The following RGS6 variants were observed in gnomAD, a reference collection of about 807,000 sequenced individuals.
RGS6 encodes regulator of G-protein signaling 6.
A neutral mutation model predicts 78.5 loss-of-function variants in RGS6; 30 were observed. The ratio of observed to expected loss-of-function variants is 0.38; its 90% CI spans 0.29 to 0.52. RGS6 has a LOEUF of 0.52. RGS6 is among the 20% of genes least tolerant of loss of function. The probability of loss-of-function intolerance (pLI) is 0.85; values close to 1 mark genes in which losing one functional copy is unlikely to be tolerated. For synonymous variants in RGS6, 206 were observed against 206.0 expected, an observed-to-expected ratio of 1.00 and a Z score of 0.00; for missense variants, 495 against 609.7, an observed-to-expected ratio of 0.81 and a Z score of 1.98.
chr14:71,898,453 A>G, the RGS6 span, among the ~76,000 whole-genome samples: 1 of 152,256 alleles, frequency 6.6e-6, no homozygotes, highest in South Asian at 2.1e-4. Flanking sequence ...CAATGGAATT[A>G]TCATGTGGCT....
At chr14:72,203,497 G>A (rs761761212) in intron 2 of RGS6, among the ~76,000 whole-genome samples, 1 of 152,184 alleles carries the variant, frequency 6.6e-6, no homozygotes, top group Non-Finnish European at 1.5e-5. Flanking sequence ...CTCAAAGCTT[G>A]GCCAGGTGGG....
intron 2 of RGS6, among the ~76,000 whole-genome samples, chr14:72,069,043 C>T (rs536030686): frequency 1.3e-5 from 2 of 151,652 alleles, no homozygotes; most frequent in Non-Finnish European, 2.9e-5. Context: ...GCAATCTTGG[C>T]TCACTGCAAC....
At chr14:72,355,840 A>T (rs1273343609) in intron 3 of RGS6, among the ~76,000 whole-genome samples, 2 of 152,178 alleles carry the variant, frequency 1.3e-5, no homozygotes, top group South Asian at 2.1e-4. Flanking sequence ...AGCATGCCAG[A>T]CAGCCAGAGC....
At chr14:72,166,943 C>A (rs2096936076) in intron 2 of RGS6, among the ~76,000 whole-genome samples, 1 of 152,184 alleles carries the variant, frequency 6.6e-6, no homozygotes, top group Non-Finnish European at 1.5e-5. Context: ...CAAATCATTT[C>A]ATGTGTGTTT....
At chr14:72,569,431 G>C (rs113107383), downstream of RGS6, among the ~76,000 whole-genome samples, 4 of 152,022 alleles carry the variant, frequency 2.6e-5, no homozygotes, top group African/African-American at 7.3e-5. Flanking sequence ...TGTAATCCCC[G>C]CACTTTGGGA....
chr14:72,313,819 A>G (rs1382922542), intron 2 of RGS6, among the ~76,000 whole-genome samples: 1 of 152,218 alleles, frequency 6.6e-6, no homozygotes, highest in Admixed American at 6.5e-5. Flanking sequence ...TGAAGGTATT[A>G]GAAGATAAAA....
At chr14:72,366,460 T>C (rs1227690658) in intron 3 of RGS6, among the ~76,000 whole-genome samples, 1 of 152,118 alleles carries the variant, frequency 6.6e-6, no homozygotes, top group Non-Finnish European at 1.5e-5. Context: ...AGCAAATAAA[T>C]ATTTCTGAGC....
In RGS6 at chr14:72,348,795, A is replaced by G. The variant is rs2078543451; in HGVS notation, c.85-3300A>G. Among the ~76,000 whole-genome samples the G allele has an allele frequency of 2.0e-5, 3 of 152,248 alleles. No homozygotes were observed. The South Asian group carries it at 6.2e-4, about 32-fold the overall frequency. ...TTTTGTGGCTTCAGAAATTTCTGATAAATGCATTTTTTCAGAGTGTTGTTG... is the reference window on the plus strand; with the variant it reads ...TTTTGTGGCTTCAGAAATTTCTGATGAATGCATTTTTTCAGAGTGTTGTTG... On this transcript the variant is annotated intron_variant, in intron 2 of 17. Coordinates refer to ENST00000553525, the MANE Select transcript of RGS6 (RefSeq NM_001204424.2).
chr14:71,952,170 G>A (rs1225889381), intron 1 of RGS6, among the ~76,000 whole-genome samples: 1 of 152,154 alleles, frequency 6.6e-6, no homozygotes, highest in African/African-American at 2.4e-5. Flanking sequence ...TAGAAGTGGT[G>A]ATAGTGAGCA....
At chr14:72,016,618 G>C (rs527407500) in intron 2 of RGS6, among the ~76,000 whole-genome samples, 1 of 152,290 alleles carries the variant, frequency 6.6e-6, no homozygotes, top group East Asian at 1.9e-4. Context: ...GCCCTCCTCG[G>C]CCTCCCAAAA....
intron 2 of RGS6, among the ~76,000 whole-genome samples, chr14:71,984,484 G>GAAAAAAAAAAAAAA (rs370779936): frequency 6.0e-5 from 7 of 117,426 alleles, no homozygotes; most frequent in South Asian, 2.9e-4. Flanking sequence ...GTCTCAAAAA[G>GAAAAAAAAAAAAAA]AAAAAAAAAA....
rs141573830 is a variant in RGS6, at chr14:72,152,974, C to T, written c.84+188099C>T. Among the ~76,000 whole-genome samples the T allele has an allele frequency of 6.7e-4, 102 of 152,250 alleles. 2 individuals are homozygous for T. In the East Asian group the frequency reaches 0.015, roughly 23 times the overall value. On this transcript the variant is annotated intron_variant, in intron 2 of 17. Coordinates refer to ENST00000553525, the MANE Select transcript of RGS6 (RefSeq NM_001204424.2). ...GCTTCCTGCCTCACAGACTGAATCC[C>T]AGGTACCACCCAGGAAGAGGAGGGG...
the RGS6 span, among the ~76,000 whole-genome samples, chr14:71,920,886 A>G: frequency 6.6e-6 from 1 of 152,250 alleles, no homozygotes; most frequent in South Asian, 2.1e-4. Flanking sequence ...AAGCTTCTGC[A>G]TAGCAAAGGA....
chr14:72,453,206 G>C (rs1335635716), intron 3 of RGS6, among the ~76,000 whole-genome samples: 1 of 152,158 alleles, frequency 6.6e-6, no homozygotes, highest in Non-Finnish European at 1.5e-5. Context: ...GCTGGGTAGG[G>C]GGGAGTTTGT....
intron 2 of RGS6, among the ~76,000 whole-genome samples, chr14:72,106,548 C>T (rs2095636933): frequency 6.6e-6 from 1 of 152,156 alleles, no homozygotes; most frequent in South Asian, 2.1e-4. Flanking sequence ...GTGTCCCTTC[C>T]CAGCCATAAT....
intron 2 of RGS6, among the ~76,000 whole-genome samples, chr14:72,221,492 A>G (rs972431847): frequency 1.3e-5 from 2 of 152,164 alleles, no homozygotes; most frequent in Non-Finnish European, 2.9e-5. Context: ...CTTGGTCACA[A>G]TTTCTGGAAC....
At position 72,128,810 on chromosome 14, in the gene RGS6, C is replaced by T. The variant is rs561934073; in HGVS notation, c.84+163935C>T. On this transcript the variant is annotated intron_variant, in intron 2 of 17. Transcript: ENST00000553525. ...AGTCCTTCAGATCCCACAACGTATG[C>T]GTGTGCATCTTCTCAGGCTCCGTAT... 3.9e-5 allele frequency among the ~76,000 whole-genome samples: 6 copies of T among 152,268 alleles called. No individual in the cohort carries two copies. In the South Asian group the frequency reaches 1.2e-3, roughly 32 times the overall value.
chr14:72,300,269 G>A (rs908074308), intron 2 of RGS6, among the ~76,000 whole-genome samples: 1 of 151,804 alleles, frequency 6.6e-6, no homozygotes, highest in African/African-American at 2.4e-5. Flanking sequence ...ACTGGAATAG[G>A]TTACACTATA....
intron 2 of RGS6, among the ~76,000 whole-genome samples, chr14:72,233,039 T>C (rs1054924087): frequency 6.6e-6 from 1 of 152,176 alleles, no homozygotes; most frequent in Admixed American, 6.5e-5. Context: ...GCTTAACTCC[T>C]GAAGAAGCTG....
Sources: allele counts gnomAD v4.1 joint callset (sites outside exome capture counted in the v4.1 genomes callset), GRCh38; gene constraint gnomAD v4.1.1; transcripts MANE v1.5; gene names NCBI Gene and HGNC (gene_info 2026-07-23, HGNC 2026-07-21).